Variants in RGS9 observed in about 807,000 individuals in gnomAD.
The protein encoded by RGS9 is regulator of G protein signaling 9, also known as regulator of G-protein signalling 9.
In RGS9, 78 loss-of-function variants were observed where a neutral mutation model predicts 102.0. That is an observed-to-expected ratio of 0.76 (90% CI 0.64 to 0.92). The LOEUF is 0.92. Ranked by LOEUF, RGS9 falls within the 40% of genes least tolerant of loss-of-function variation. The pLI, the probability that RGS9 is intolerant of heterozygous loss-of-function variation, is 0.00. For synonymous variants in RGS9, 353 were observed against 318.6 expected (o/e 1.11, Z -1.15); for missense variants, 833 against 866.1 (o/e 0.96, Z 0.48).
intron 14 of RGS9, among the ~76,000 whole-genome samples, chr17:65,203,249 G>A (rs1912924773): frequency 6.6e-6 from 1 of 152,186 alleles, no homozygotes; most frequent in African/African-American, 2.4e-5. Flanking sequence ...CCCACAGGGA[G>A]GGGATCCATG....
chr17:65,141,128 G>T (rs570394899), intron 1 of RGS9, among the ~76,000 whole-genome samples: 1 of 152,164 alleles, frequency 6.6e-6, no homozygotes, highest in Non-Finnish European at 1.5e-5. Flanking sequence ...GATGCCCGCC[G>T]GCCATGCTGC....
At chr17:65,212,716 A>G (rs962341978) in intron 17 of RGS9, among the ~76,000 whole-genome samples, 1 of 152,206 alleles carries the variant, frequency 6.6e-6, no homozygotes, top group Non-Finnish European at 1.5e-5. Context: ...GGACACTTAC[A>G]CTTTCCATTT....
intron 2 of RGS9, among the ~76,000 whole-genome samples, chr17:65,156,714 G>A (rs535918598): frequency 2.6e-5 from 4 of 152,272 alleles, no homozygotes; most frequent in African/African-American, 4.8e-5. Flanking sequence ...TCGGCTCCTC[G>A]GTGGAGAGAG....
intron 12 of RGS9, among the ~76,000 whole-genome samples, chr17:65,196,515 A>C (rs1159466252): frequency 1.3e-5 from 2 of 152,224 alleles, no homozygotes; most frequent in East Asian, 1.9e-4. Context: ...ACCTGGGATC[A>C]GGGAAATCTT....
intron 2 of RGS9, among the ~76,000 whole-genome samples, chr17:65,158,060 G>C (rs1910834212): frequency 1.3e-5 from 2 of 152,108 alleles, no homozygotes; most frequent in African/African-American, 4.8e-5. Flanking sequence ...TGTGTGGGCT[G>C]GGGGTGCGTG....
intron 18 of RGS9, among the ~76,000 whole-genome samples, chr17:65,226,056 G>T (rs1282575764): frequency 2.0e-5 from 3 of 152,176 alleles, no homozygotes; most frequent in African/African-American, 7.2e-5. Context: ...TTTGCCTGAG[G>T]GGGGGCCCCT....
chr17:65,193,474 T>A, intron 11 of RGS9, 69 bp from the exon 12 acceptor site: 1 of 934,236 alleles, frequency 1.1e-6, no homozygotes, highest in Non-Finnish European at 1.8e-6. Context: ...CCTGGTCAGT[T>A]GACCTGTGTA....
intron 3 of RGS9, among the ~76,000 whole-genome samples, chr17:65,159,468 G>A (rs1254585229): frequency 6.6e-6 from 1 of 152,128 alleles, no homozygotes; most frequent in Admixed American, 6.5e-5. Flanking sequence ...TTGATGGAGG[G>A]AGCGAGACCT....
chr17:65,175,851 A>G (rs1384003392), intron 8 of RGS9, among the ~76,000 whole-genome samples: 2 of 152,378 alleles, frequency 1.3e-5, no homozygotes, highest in Middle Eastern at 3.4e-3. Context: ...TGAATTTCAG[A>G]TAAACAACAA....
chr17:65,210,540 A>G lies in RGS9; in HGVS notation c.1342A>G (p.Ile448Val), dbSNP rs1292931057. Residue 448 changes from isoleucine to valine, a missense_variant, in exon 17 of 19, where the codon ATC (isoleucine) becomes GTC (valine). This residue lies in a region of RGS9 where 185 missense variants were observed against 248.7 expected (regional missense o/e 0.74). Transcript: ENST00000262406. ...RHLRSSPSPV[I>V]LRQLEEEAKA... ...CCTGCGCTCCAGCCCAAGCCCTGTC[A>G]TCCTGAGACAGCTGGAAGAGGAAGC... 4 of 1,613,932 alleles carry G rather than the reference A, an allele frequency of 2.5e-6. No individual in the cohort carries two copies. The highest frequency in any genetic ancestry group is 3.4e-6 in the Non-Finnish European group (4 of 1,180,028).
At chr17:65,207,588 A>T (rs751739551) in intron 15 of RGS9, among the ~76,000 whole-genome samples, 3 of 152,228 alleles carry the variant, frequency 2.0e-5, no homozygotes, top group Non-Finnish European at 4.4e-5. Flanking sequence ...CATTTACAAC[A>T]TAGGCTGAAT....
At chr17:65,141,785 T>C (rs922723487) in intron 1 of RGS9, among the ~76,000 whole-genome samples, 2 of 152,184 alleles carry the variant, frequency 1.3e-5, no homozygotes, top group Non-Finnish European at 2.9e-5. Flanking sequence ...AGTCGAATTA[T>C]AAAAAGTCAG....
intron 18 of RGS9, among the ~76,000 whole-genome samples, chr17:65,226,114 C>T (rs1905662509): frequency 1.3e-5 from 2 of 152,240 alleles, no homozygotes; most frequent in Admixed American, 1.3e-4. Flanking sequence ...CTGAGAACCC[C>T]CAGTTCCCTG....
In RGS9 at chr17:65,137,511, C is replaced by T. The variant is rs1222632820; in HGVS notation, c.-30C>T. 1.2e-6 allele frequency: 2 copies of T among 1,608,820 alleles called. No homozygotes were observed. Among genetic ancestry groups the T allele is most frequent in the Non-Finnish European group, 1.7e-6 (2 of 1,178,278 alleles). ...CTTCTCCTCTTGTCTCCCACTGGTGCTCTGGCTGTGAATCCATCCAGGGGC... is the reference window on the plus strand; with the variant it reads ...CTTCTCCTCTTGTCTCCCACTGGTGTTCTGGCTGTGAATCCATCCAGGGGC... On this transcript the variant is annotated 5_prime_UTR_variant, in exon 1 of 19. Transcript: ENST00000262406.
chr17:65,175,666 A>G (rs1046970582), intron 8 of RGS9, among the ~76,000 whole-genome samples: 1 of 152,144 alleles, frequency 6.6e-6, no homozygotes, highest in Non-Finnish European at 1.5e-5. Context: ...TCCACTTGTA[A>G]CAACTAGGGT....
chr17:65,143,754 AC>A (rs1211722734), intron 1 of RGS9, among the ~76,000 whole-genome samples: 3 of 149,348 alleles, frequency 2.0e-5, no homozygotes, highest in African/African-American at 7.4e-5. Flanking sequence ...AGATTGTGCC[AC>A]TGCACTCCAG....
At chr17:65,176,191 G>C (rs1911617856) in intron 8 of RGS9, among the ~76,000 whole-genome samples, 1 of 152,232 alleles carries the variant, frequency 6.6e-6, no homozygotes, top group South Asian at 2.1e-4. Context: ...GAGTCAAGGA[G>C]TTGAGAGAGA....
chr17:65,177,426 G>T (rs374669512), intron 8 of RGS9, among the ~76,000 whole-genome samples: 5 of 151,930 alleles, frequency 3.3e-5, no homozygotes, highest in Admixed American at 3.3e-4. Flanking sequence ...CCACTATGGT[G>T]CTGGGGATGC....
At chr17:65,147,235 T>A (rs1237120322) in intron 1 of RGS9, among the ~76,000 whole-genome samples, 2 of 152,196 alleles carry the variant, frequency 1.3e-5, no homozygotes, top group Admixed American at 1.3e-4. Context: ...AATGTGTCCG[T>A]GCAGAGGAAG....
Sources: gnomAD v4.1 joint callset for allele counts (sites outside exome capture counted in the v4.1 genomes callset) on GRCh38, gnomAD v4.1.1 for gene constraint, gnomAD v4.1.1 regional missense constraint, MANE v1.5 for transcripts, NCBI Gene and HGNC (gene_info 2026-07-23, HGNC 2026-07-21) for gene names.